Variants in CHRNA7 observed in about 807,000 individuals in gnomAD.
The protein encoded by CHRNA7 is cholinergic receptor nicotinic alpha 7 subunit.
CHRNA7 carries 17 observed loss-of-function variants against 48.0 expected under a neutral mutation model. That is an observed-to-expected ratio of 0.35 (90% CI 0.24 to 0.53). The LOEUF (loss-of-function observed/expected upper bound fraction) is 0.53. Ranked by LOEUF, CHRNA7 falls within the 20% of genes least tolerant of loss-of-function variation. The pLI, the probability that CHRNA7 is intolerant of heterozygous loss-of-function variation, is 0.92. For synonymous variants in CHRNA7, 75 were observed against 242.3 expected, an observed-to-expected ratio of 0.31 and a Z score of 6.41; for missense variants, 155 against 577.7, an observed-to-expected ratio of 0.27 and a Z score of 7.50.
chr15:32,156,285 A>G (rs888444549), intron 5 of CHRNA7: 1 of 101,044 alleles, frequency 9.9e-6, no homozygotes, highest in Non-Finnish European at 2.1e-5. Flanking sequence ...GGATCCAACT[A>G]TTAATGGAGG....
At chr15:32,083,253 C>T (rs2050243504) in intron 2 of CHRNA7, among the ~76,000 whole-genome samples, 1 of 152,010 alleles carries the variant, frequency 6.6e-6, no homozygotes. Flanking sequence ...TAAATTATCT[C>T]AAGAGTGGAT....
rs8026798 is a variant in CHRNA7, at chr15:32,119,343, A to C, written c.350+7444A>C. The stretch of plus-strand genomic sequence containing the variant: ...ATTAATGACTTAAGTAGTCTTTGAC[A>C]CACGATCACTTTATATTTGTGCAAG... On this transcript the variant is annotated intron_variant, in intron 4 of 9. Coordinates refer to ENST00000306901, the MANE Select transcript of CHRNA7 (RefSeq NM_000746.6). Among the ~76,000 whole-genome samples, 1,090 of 152,340 alleles carry C rather than the reference A, an allele frequency of 7.2e-3. 10 individuals carry two copies. Among genetic ancestry groups the C allele is most frequent in the African/African-American group, 0.025 (1,041 of 41,568 alleles).
intron 2 of CHRNA7, among the ~76,000 whole-genome samples, chr15:32,075,991 G>A (rs1219759178): frequency 6.6e-6 from 1 of 151,764 alleles, no homozygotes. Flanking sequence ...TTAGCCTTTG[G>A]ATATTTTCCT....
At chr15:32,084,884 G>C (rs2050270701) in intron 2 of CHRNA7, among the ~76,000 whole-genome samples, 1 of 151,746 alleles carries the variant, frequency 6.6e-6, no homozygotes, top group South Asian at 2.1e-4. Context: ...CCAGGCTGGA[G>C]TGTAACGGCA....
At chr15:32,038,521 A>G (rs1261070754) in intron 2 of CHRNA7, among the ~76,000 whole-genome samples, 1 of 152,146 alleles carries the variant, frequency 6.6e-6, no homozygotes, top group African/African-American at 2.4e-5. Context: ...TACATTGTTG[A>G]GATAAATTTG....
chr15:32,140,518 C>T (rs528063171), intron 4 of CHRNA7, among the ~76,000 whole-genome samples: 43 of 152,198 alleles, frequency 2.8e-4, no homozygotes, highest in Non-Finnish European at 5.1e-4. Context: ...AATGGTTGAA[C>T]TAGTTTACAC....
Position 32,051,063 on chromosome 15 carries a change from G to A in CHRNA7, c.195+20026G>A, listed in dbSNP as rs1041266409. ...AGGTGTCAGTCTGCCCCTACTTGGG[G>A]GTGCCTCCCAGTTAGGCTGCTCGGG... On this transcript the variant is annotated intron_variant, in intron 2 of 9. Transcript: ENST00000306901. Among the ~76,000 whole-genome samples the A allele has an allele frequency of 3.3e-5, 5 of 152,062 alleles. No individual in the cohort carries two copies. In the South Asian group the frequency reaches 8.4e-4, roughly 25 times the overall value.
At chr15:32,111,290 T>TA (rs1421926938) in intron 3 of CHRNA7, 13 of 152,594 alleles carry the variant, frequency 8.5e-5, no homozygotes, top group African/African-American at 2.9e-4. Context: ...TGTGACAAAA[T>TA]AAAAATTCAA....
intron 2 of CHRNA7, among the ~76,000 whole-genome samples, chr15:32,087,109 ATTC>A (rs1182975810): frequency 2.0e-5 from 3 of 152,244 alleles, no homozygotes; most frequent in Admixed American, 6.5e-5. Flanking sequence ...ATAAATTGAA[ATTC>A]TTCTTCATGG....
intron 2 of CHRNA7, among the ~76,000 whole-genome samples, chr15:32,056,105 A>G (rs2049784165): frequency 6.6e-6 from 1 of 152,206 alleles, no homozygotes; most frequent in African/African-American, 2.4e-5. Context: ...CAATTGAAGT[A>G]TGACATGCTT....
At chr15:32,091,463 A>G (rs1219634244) in intron 2 of CHRNA7, among the ~76,000 whole-genome samples, 2 of 152,140 alleles carry the variant, frequency 1.3e-5, no homozygotes, top group Non-Finnish European at 2.9e-5. Flanking sequence ...ATGACTTGCA[A>G]AGTTCCTAGG....
chr15:32,077,318 G>T (rs1201066953), intron 2 of CHRNA7, among the ~76,000 whole-genome samples: 3 of 152,128 alleles, frequency 2.0e-5, no homozygotes, highest in Non-Finnish European at 4.4e-5. Context: ...TACCAAAGAG[G>T]GCAATTGCTG....
chr15:32,084,156 C>T (rs948680695), intron 2 of CHRNA7, among the ~76,000 whole-genome samples: 1 of 152,272 alleles, frequency 6.6e-6, no homozygotes, highest in South Asian at 2.1e-4. Flanking sequence ...GTATGGAACT[C>T]GCTATTTATA....
At chr15:32,150,947 G>T (rs79056654) in intron 4 of CHRNA7, among the ~76,000 whole-genome samples, 1 of 128,036 alleles carries the variant, frequency 7.8e-6, no homozygotes, top group East Asian at 2.0e-4. Flanking sequence ...TTGGAAGTAA[G>T]GGGGGGGGAT....
At chr15:32,051,139 C>G (rs1276371257) in intron 2 of CHRNA7, among the ~76,000 whole-genome samples, 5 of 150,954 alleles carry the variant, frequency 3.3e-5, no homozygotes, top group Non-Finnish European at 7.4e-5. Flanking sequence ...GTTCTCAGAT[C>G]TCCAGCTGCG....
At chr15:32,085,049 G>A (rs1307974680) in intron 2 of CHRNA7, among the ~76,000 whole-genome samples, 6 of 152,096 alleles carry the variant, frequency 3.9e-5, no homozygotes, top group South Asian at 4.2e-4. Flanking sequence ...GCCAGGCCTC[G>A]AACTCCTGAC....
intron 2 of CHRNA7, among the ~76,000 whole-genome samples, chr15:32,071,271 C>G (rs2050053466): frequency 6.6e-6 from 1 of 152,122 alleles, no homozygotes; most frequent in African/African-American, 2.4e-5. Flanking sequence ...TTTTGTCTTT[C>G]CATATACATT....
At chr15:32,118,732 C>T (rs943332916) in intron 4 of CHRNA7, among the ~76,000 whole-genome samples, 1 of 152,098 alleles carries the variant, frequency 6.6e-6, no homozygotes, top group Non-Finnish European at 1.5e-5. Flanking sequence ...GTGATCCAGC[C>T]AGACCCAAAC....
At position 32,030,645 on chromosome 15, in the gene CHRNA7, G is replaced by T; in HGVS notation, c.51G>T (p.Leu17=). 1.3e-6 allele frequency: 2 copies of T among 1,577,310 alleles called. No individual in the cohort carries two copies. The highest frequency in any genetic ancestry group is 1.7e-6 in the Non-Finnish European group (2 of 1,165,980). Residue 17 remains leucine, a synonymous_variant, in exon 1 of 10, where the codon CTG becomes CTT. Coordinates refer to ENST00000306901, the MANE Select transcript of CHRNA7 (RefSeq NM_000746.6). The part of the protein sequence containing the change: ...GVWLALAASL[L]HVSLQGEFQR... ...GGCTGGCGCTGGCCGCGTCGCTCCT[G>T]CACGGTAAAGCCACTGCCTCCCCGC...
Sources: gnomAD v4.1 joint callset for allele counts (sites outside exome capture counted in the v4.1 genomes callset) on GRCh38, gnomAD v4.1.1 for gene constraint, MANE v1.5 for transcripts, NCBI Gene and HGNC (gene_info 2026-07-23, HGNC 2026-07-21) for gene names.